The following PLEKHA5 variants were observed in gnomAD, a reference collection of about 807,000 sequenced individuals.
PLEKHA5 encodes the protein pleckstrin homology domain-containing family A member 5.
PLEKHA5 carries 55 observed loss-of-function variants against 181.9 expected under a neutral mutation model. The ratio of observed to expected loss-of-function variants is 0.30; its 90% CI spans 0.24 to 0.38. The LOEUF (loss-of-function observed/expected upper bound fraction) is 0.38, where lower values mean the gene tolerates loss of function less well. PLEKHA5 is among the 10% of genes least tolerant of loss of function. The pLI is 1.00. For missense variants in PLEKHA5, 1,432 were observed against 1,549.5 expected, an observed-to-expected ratio of 0.92 and a Z score of 1.27; for synonymous variants, 535 against 529.4, an observed-to-expected ratio of 1.01 and a Z score of -0.15.
At chr12:19,248,619 T>C (rs2152503617) in intron 3 of PLEKHA5, among the ~76,000 whole-genome samples, 1 of 152,356 alleles carries the variant, frequency 6.6e-6, no homozygotes, top group South Asian at 2.1e-4. Flanking sequence ...CAATAAGCTA[T>C]ACTATATAGC....
chr12:19,227,180 G>T (rs2059815038), intron 3 of PLEKHA5, among the ~76,000 whole-genome samples: 1 of 151,852 alleles, frequency 6.6e-6, no homozygotes, highest in South Asian at 2.1e-4. Flanking sequence ...TTTTTTGGGG[G>T]TCACAGAATG....
chr12:19,178,992 A>G (rs570311581), intron 3 of PLEKHA5, among the ~76,000 whole-genome samples: 2 of 152,288 alleles, frequency 1.3e-5, no homozygotes, highest in African/African-American at 4.8e-5. Flanking sequence ...GCTTAGGGTA[A>G]AGGAGGAGAG....
intron 3 of PLEKHA5, among the ~76,000 whole-genome samples, chr12:19,233,611 G>C (rs904130696): frequency 1.3e-5 from 2 of 152,174 alleles, no homozygotes; most frequent in African/African-American, 2.4e-5. Context: ...CAAGGTCAAG[G>C]CTGGCACTTT....
chr12:19,320,592 T>C lies in PLEKHA5; in HGVS notation c.2185T>C (p.Tyr729His). 6.6e-7 allele frequency: 1 copy of C among 1,518,496 alleles called. No individual in the cohort carries two copies. The highest frequency in any genetic ancestry group is 9.1e-7 in the Non-Finnish European group (1 of 1,099,790). The allele number at this position is 1,518,496 out of a possible 1,614,324, so 94.1% of individuals were successfully genotyped here. Residue 729 changes from tyrosine to histidine, a missense_variant, in exon 18 of 32, where the codon TAC becomes CAC. Physicochemically the swap from Tyr to His is moderately conservative, Grantham distance 83. Coordinates refer to ENST00000429027, the MANE Select transcript of PLEKHA5 (RefSeq NM_001256470.2). ...ACAAGATGAAGGTAGAGGCACATTA[T>C]ACAAATACAGACCTGAAGAAGTAGA... is the stretch of plus-strand genomic sequence containing the variant. Reference protein sequence around the residue: ...LSQDEGRGTLYKYRPEEVDID... With the variant: ...LSQDEGRGTLHKYRPEEVDID...
At chr12:19,137,744 T>C (rs1451249983) in intron 3 of PLEKHA5, among the ~76,000 whole-genome samples, 1 of 152,174 alleles carries the variant, frequency 6.6e-6, no homozygotes, top group Non-Finnish European at 1.5e-5. Context: ...GTGGAATTCT[T>C]TTATTTTTAG....
intron 15 of PLEKHA5, chr12:19,306,749 C>A (rs1397282736): frequency 4.6e-6 from 5 of 1,079,534 alleles, no homozygotes; most frequent in Non-Finnish European, 7.2e-6. Context: ...CCGGATAATT[C>A]ACCTTTGCCA....
At chr12:19,263,312 C>T (rs1454462147) in intron 7 of PLEKHA5, among the ~76,000 whole-genome samples, 2 of 152,138 alleles carry the variant, frequency 1.3e-5, no homozygotes, top group African/African-American at 4.8e-5. Flanking sequence ...AACTCATATA[C>T]AAAGTGCTTA....
Position 19,130,176 on chromosome 12 carries a change from GCA to G in PLEKHA5, c.169+47_169+48del. On this transcript the variant is annotated intron_variant, in intron 2 of 31. Transcript: ENST00000429027. The surrounding 1 kb of genome is among the most constrained non-coding windows in gnomAD (Gnocchi z 4.5). ...AGTTGGGCTCCGCCTGGAGGAGGCG[GCA>G]GAGCCCGGGCCGCCCGGCTCCCCGC... The G allele has an allele frequency of 7.5e-7, 1 of 1,325,066 alleles. No homozygotes were observed. The highest frequency in any genetic ancestry group is 1.5e-5 in the African/African-American group (1 of 65,324). 82.1% of individuals were successfully genotyped at this position (1,325,066 alleles called of 1,614,324 possible). A position where few individuals can be genotyped will look rare whatever the true frequency, so the allele number is the denominator to read the frequency against.
In PLEKHA5 at chr12:19,337,250, A is replaced by C. The variant is rs146230135; in HGVS notation, c.2550+634A>C. On this transcript the variant is annotated intron_variant, in intron 21 of 31. Coordinates refer to ENST00000429027, the MANE Select transcript of PLEKHA5 (RefSeq NM_001256470.2). Reference sequence around the variant, plus strand: ...TCCAAGGGTTAGTTTTCTTATCTATAAAATAGAAATAATAATACTTGGCCG... The same window carrying C: ...TCCAAGGGTTAGTTTTCTTATCTATCAAATAGAAATAATAATACTTGGCCG... Among the ~76,000 whole-genome samples the C allele has an allele frequency of 4.6e-5, 7 of 152,170 alleles. No individual in the cohort carries two copies. The East Asian group carries it at 1.4e-3, about 29-fold the overall frequency.
At chr12:19,268,300 A>T (rs1274577565) in intron 8 of PLEKHA5, among the ~76,000 whole-genome samples, 1 of 152,200 alleles carries the variant, frequency 6.6e-6, no homozygotes, top group Non-Finnish European at 1.5e-5. Context: ...TTTGTTGCTT[A>T]TCAATTTAGC....
chr12:19,154,459 A>G (rs1188706296), intron 3 of PLEKHA5: 1 of 152,174 alleles, frequency 6.6e-6, no homozygotes, highest in African/African-American at 2.4e-5. Context: ...TCAGCAATGG[A>G]TAATCAATTT....
intron 3 of PLEKHA5, among the ~76,000 whole-genome samples, chr12:19,148,029 C>T (rs970689030): frequency 1.1e-4 from 16 of 151,060 alleles, no homozygotes; most frequent in African/African-American, 3.7e-4. Context: ...TGAGCAGCTG[C>T]ACCTAGCTTT....
Position 19,129,791 on chromosome 12 carries a change from G to T in PLEKHA5, c.-9G>T, listed in dbSNP as rs779304086. 1.7e-5 allele frequency: 27 copies of T among 1,593,052 alleles called. 1 individual carries two copies. The South Asian group carries it at 3.0e-4, about 18-fold the overall frequency. ...AGGAGAAGGCGGCGGCGGCGGCTAG[G>T]GATCAGACATGGCGGCGGATCTGAA... On this transcript the variant is annotated 5_prime_UTR_variant, in exon 1 of 32. Transcript: ENST00000429027.
chr12:19,199,197 A>G (rs1164613109), intron 3 of PLEKHA5, among the ~76,000 whole-genome samples: 1 of 152,214 alleles, frequency 6.6e-6, no homozygotes, highest in Non-Finnish European at 1.5e-5. Flanking sequence ...ACCTCTGCCT[A>G]AGACTCTTGC....
chr12:19,290,498 T>C (rs1185625791), intron 13 of PLEKHA5, among the ~76,000 whole-genome samples, 179 bp from the exon 14 acceptor site: 1 of 152,234 alleles, frequency 6.6e-6, no homozygotes, highest in Non-Finnish European at 1.5e-5. Context: ...ACACTGTTCC[T>C]TCTATTTCTC....
intron 20 of PLEKHA5, among the ~76,000 whole-genome samples, chr12:19,329,630 C>T (rs937408235): frequency 2.0e-5 from 3 of 152,054 alleles, no homozygotes; most frequent in Admixed American, 6.6e-5. Flanking sequence ...TAGTGGTGTT[C>T]GTAATTGTCT....
intron 5 of PLEKHA5, among the ~76,000 whole-genome samples, chr12:19,256,086 A>T (rs753289696): frequency 1.2e-4 from 18 of 152,148 alleles, no homozygotes; most frequent in Non-Finnish European, 2.4e-4. Flanking sequence ...AAAAGGGCTT[A>T]TGAGCCAGTT....
intron 3 of PLEKHA5, among the ~76,000 whole-genome samples, chr12:19,177,554 C>G (rs985037363): frequency 6.6e-6 from 1 of 152,192 alleles, no homozygotes; most frequent in Non-Finnish European, 1.5e-5. Context: ...ACATCTAATA[C>G]ACCCACAGTG....
chr12:19,139,453 ACTAT>A (rs2036664822), intron 3 of PLEKHA5, among the ~76,000 whole-genome samples: 1 of 152,136 alleles, frequency 6.6e-6, no homozygotes. Context: ...TACCTAAATG[ACTAT>A]CTAGCTATTT....
Sources: allele counts gnomAD v4.1 joint callset (sites outside exome capture counted in the v4.1 genomes callset), GRCh38; gene constraint gnomAD v4.1.1; non-coding constraint Gnocchi (gnomAD v3.1); transcripts MANE v1.5; gene names NCBI Gene and HGNC (gene_info 2026-07-23, HGNC 2026-07-21).